Variants in ESR1 observed in about 807,000 individuals in gnomAD.
ESR1 encodes estrogen receptor.
ESR1 carries 12 observed loss-of-function variants against 52.7 expected under a neutral mutation model. The observed-to-expected ratio is 0.23, with a 90% CI of 0.15 to 0.37. ESR1 has a LOEUF of 0.37. Among genes scored for constraint, ESR1 ranks in the 10% least tolerant of loss-of-function variants. ESR1 has a pLI of 1.00. For synonymous variants in ESR1, 305 were observed against 316.8 expected, an observed-to-expected ratio of 0.96 and a Z score of 0.39; for missense variants, 584 against 779.7, an observed-to-expected ratio of 0.75 and a Z score of 2.99.
At chr6:152,086,924 G>A (rs931073888) in intron 6 of ESR1, among the ~76,000 whole-genome samples, 10 of 152,264 alleles carry the variant, frequency 6.6e-5, no homozygotes, top group Non-Finnish European at 7.4e-5. Flanking sequence ...CACATCAGGA[G>A]AAGGATGGAA....
chr6:152,052,084 T>A (rs2128929170), intron 5 of ESR1, among the ~76,000 whole-genome samples: 1 of 152,358 alleles, frequency 6.6e-6, no homozygotes, highest in South Asian at 2.1e-4. Context: ...TGGTGAGGCC[T>A]GAAGCAGCTT....
chr6:151,912,988 A>G (rs1798513277), intron 3 of ESR1, among the ~76,000 whole-genome samples: 1 of 152,074 alleles, frequency 6.6e-6, no homozygotes, highest in African/African-American at 2.4e-5. Flanking sequence ...TAAAACCTAG[A>G]TGACGGGTTG....
At chr6:151,848,440 G>A (rs1179560406) in intron 2 of ESR1, among the ~76,000 whole-genome samples, 1 of 138,306 alleles carries the variant, frequency 7.2e-6, no homozygotes, top group Non-Finnish European at 1.6e-5. Flanking sequence ...TAACTAACCT[G>A]CACAATGTGC....
intron 1 of ESR1, among the ~76,000 whole-genome samples, chr6:151,701,212 T>G (rs1283253158): frequency 6.8e-5 from 3 of 43,976 alleles, no homozygotes; most frequent in African/African-American, 2.7e-4. Flanking sequence ...GGGCTGGGAG[T>G]TTTTTTTTTT....
At chr6:152,125,928 C>T (rs1345888393) in exon 7 of ESR1, 1 of 152,286 alleles carries the variant, frequency 6.6e-6, no homozygotes, top group African/African-American at 2.4e-5. Flanking sequence ...GATATTAATG[C>T]ACCCCTCATC....
Position 151,870,454 on chromosome 6 carries a change from T to C in ESR1, c.644-10201T>C, listed in dbSNP as rs1790740982. ...TTTAAAATATAACTTAATATTTAGG[T>C]GCTCTTGTTCAGTCATCGTCAAGTT... is the stretch of plus-strand genomic sequence containing the variant. On this transcript the variant is annotated intron_variant, in intron 2 of 7. Transcript: ENST00000206249. Among the ~76,000 whole-genome samples, 7 of 152,048 alleles carry C rather than the reference T, an allele frequency of 4.6e-5. No homozygotes were observed. The South Asian group carries it at 1.2e-3, about 27-fold the overall frequency.
intron 2 of ESR1, among the ~76,000 whole-genome samples, chr6:151,864,432 G>A (rs1316718112): frequency 1.3e-5 from 2 of 152,004 alleles, no homozygotes; most frequent in Non-Finnish European, 2.9e-5. Context: ...AGAAAGTCAG[G>A]AAACGACAGG....
rs1397168994 is a variant in ESR1, at chr6:152,053,761, CA to C, written c.1236-7229del. The stretch of plus-strand genomic sequence containing the variant: ...TGTATTTCCGGATATTTTATGCTTT[CA>C]TGGAGGCCGTGTAAATTGGTATAAC... On this transcript the variant is annotated intron_variant, in intron 5 of 7. Transcript: ENST00000206249. This position sits in a 1 kb window ranked among gnomAD's most constrained non-coding sequence, Gnocchi z 4.1. Among the ~76,000 whole-genome samples, 37 of 152,102 alleles carry C rather than the reference CA, an allele frequency of 2.4e-4. No homozygotes were observed. The highest frequency in any genetic ancestry group is 3.9e-4 in the Admixed American group (6 of 15,268).
intron 1 of ESR1, among the ~76,000 whole-genome samples, chr6:151,680,818 T>A (rs1291474812): frequency 6.6e-6 from 1 of 152,148 alleles, no homozygotes; most frequent in African/African-American, 2.4e-5. Flanking sequence ...GCCTGGCACA[T>A]GGTAGGTGCT....
At chr6:151,878,826 A>G (rs1562504887) in intron 2 of ESR1, among the ~76,000 whole-genome samples, 1 of 152,140 alleles carries the variant, frequency 6.6e-6, no homozygotes, top group Non-Finnish European at 1.5e-5. Flanking sequence ...GCCAATATTT[A>G]TTAGTTTGTG....
At chr6:151,682,024 C>G (rs1030384687) in intron 1 of ESR1, among the ~76,000 whole-genome samples, 2 of 152,208 alleles carry the variant, frequency 1.3e-5, no homozygotes, top group African/African-American at 4.8e-5. Flanking sequence ...TCTGGAGTTA[C>G]AAACACTCAC....
chr6:151,882,448 G>A (rs1793104673), intron 3 of ESR1, among the ~76,000 whole-genome samples: 1 of 152,198 alleles, frequency 6.6e-6, no homozygotes, highest in Non-Finnish European at 1.5e-5. Context: ...TGAGTCATAT[G>A]GATTAAATAT....
In ESR1 at chr6:151,666,234, G is replaced by A. The variant is rs144254299; in HGVS notation, n.73+9471G>A. Among the ~76,000 whole-genome samples, 433 of 152,304 alleles carry A rather than the reference G, an allele frequency of 2.8e-3. 4 individuals carry two copies. The highest frequency in any genetic ancestry group is 0.014 in the Admixed American group (216 of 15,294). On this transcript the variant is annotated intron_variant and non_coding_transcript_variant, in intron 1 of 2. Transcript: ENST00000473497. ...CAACAAGTTCCATGCCCAGAGGAGT[G>A]CAGACACTGACCCTCTTTTTCAGCT...
chr6:151,685,105 CTCTTTTTTTTTTTTTT>C (rs1419863851), intron 1 of ESR1, among the ~76,000 whole-genome samples: 1 of 114,696 alleles, frequency 8.7e-6, no homozygotes, highest in Non-Finnish European at 1.8e-5. Flanking sequence ...TGACACTGGC[CTCTTTTTTTTTTTTTT>C]TTTTTTTTTT....
intron 2 of ESR1, among the ~76,000 whole-genome samples, chr6:151,851,675 C>A (rs1024169814): frequency 1.3e-5 from 2 of 152,000 alleles, no homozygotes; most frequent in African/African-American, 4.8e-5. Context: ...TTACAGGCGT[C>A]CACCACCATG....
rs2050761982 is a variant in ESR1, at chr6:152,098,013, C to G, written c.1554-719C>G. On this transcript the variant is annotated intron_variant, in intron 7 of 7. Transcript: ENST00000206249. This position sits in a 1 kb window ranked among gnomAD's most constrained non-coding sequence, Gnocchi z 5.1. ...CTGCTGCCACTGGGTAGCGGTAGGC[C>G]TTTCCGAGGAGGCGGCATTTGAAGA... Among the ~76,000 whole-genome samples the G allele has an allele frequency of 6.6e-6, 1 of 152,188 alleles. No individual in the cohort carries two copies. The highest frequency in any genetic ancestry group is 1.5e-5 in the Non-Finnish European group (1 of 68,032).
intron 2 of ESR1, among the ~76,000 whole-genome samples, chr6:151,750,716 T>C (rs953365011): frequency 6.6e-5 from 10 of 152,150 alleles, no homozygotes; most frequent in African/African-American, 2.4e-4. Flanking sequence ...TGCCATCAAA[T>C]GTGCAATTTT....
In ESR1 at chr6:152,007,829, G is replaced by A. The variant is rs117411903; in HGVS notation, c.1097-3827G>A. ...TCACTGATACCTCTCCTTATGTCCC[G>A]TAGCAGCTGCTAAGCTCCCACGTTA... On this transcript the variant is annotated intron_variant, in intron 4 of 7. Coordinates refer to ENST00000206249, the MANE Select transcript of ESR1 (RefSeq NM_000125.4). Among the ~76,000 whole-genome samples the A allele has an allele frequency of 3.1e-4, 47 of 152,134 alleles. No individual in the cohort carries two copies. The East Asian group carries it at 5.3e-3, about 17-fold the overall frequency.
At chr6:151,769,390 T>C (rs903465944) in intron 2 of ESR1, among the ~76,000 whole-genome samples, 4 of 152,310 alleles carry the variant, frequency 2.6e-5, no homozygotes, top group Admixed American at 2.0e-4. Flanking sequence ...ATTAAACTTA[T>C]TCTAATTCTC....
Sources: gnomAD v4.1 joint callset for allele counts (sites outside exome capture counted in the v4.1 genomes callset) on GRCh38, gnomAD v4.1.1 for gene constraint, Gnocchi (gnomAD v3.1) non-coding constraint, MANE v1.5 for transcripts, NCBI Gene and HGNC (gene_info 2026-07-23, HGNC 2026-07-21) for gene names.